GLYATL1: variants seen among roughly 807,000 people sequenced by gnomAD.
The protein encoded by GLYATL1 is glycine-N-acyltransferase like 1, also known as glycine N-acyltransferase-like protein 1.
A neutral mutation model predicts 20.0 loss-of-function variants in GLYATL1; 15 were observed. That is an observed-to-expected ratio of 0.75 (90% CI 0.50 to 1.15). The LOEUF (loss-of-function observed/expected upper bound fraction) is 1.15. Among genes scored for constraint, GLYATL1 ranks in the 50% most tolerant of loss-of-function variants. The pLI, the probability that GLYATL1 is intolerant of heterozygous loss-of-function variation, is 0.00. For synonymous variants in GLYATL1, 151 were observed against 131.5 expected (o/e 1.15, Z -1.01); for missense variants, 380 against 368.5 (o/e 1.03, Z -0.26).
At chr11:58,941,225 G>A (rs1392759335) in intron 1 of GLYATL1, among the ~76,000 whole-genome samples, 2 of 121,368 alleles carry the variant, frequency 1.6e-5, no homozygotes, top group Admixed American at 2.3e-4. Flanking sequence ...AGAGTGTGAT[G>A]TTCCCCTTCC....
At chr11:58,927,839 C>A (rs939555678) in intron 1 of GLYATL1, 1 of 152,208 alleles carries the variant, frequency 6.6e-6, no homozygotes, top group East Asian at 1.9e-4. Flanking sequence ...GGTAAGACCT[C>A]CTTTTCCTCT....
intron 2 of GLYATL1, among the ~76,000 whole-genome samples, chr11:58,944,282 G>C (rs1856408310): frequency 6.6e-6 from 1 of 152,162 alleles, no homozygotes; most frequent in South Asian, 2.1e-4. Flanking sequence ...GATGTCAACT[G>C]CTATTCTTTT....
chr11:58,909,522 G>C (rs186143377), downstream of GLYATL1, among the ~76,000 whole-genome samples: 4 of 152,264 alleles, frequency 2.6e-5, no homozygotes, highest in Admixed American at 2.6e-4. Flanking sequence ...ATGTACATTA[G>C]TTACGCATTC....
chr11:58,936,398 C>T (rs1855836620), upstream of GLYATL1, among the ~76,000 whole-genome samples: 2 of 152,188 alleles, frequency 1.3e-5, no homozygotes, highest in African/African-American at 2.4e-5. Context: ...ATCATGTGTC[C>T]ACTTCCCAGG....
chr11:58,920,331 A>C (rs1457650333), intron 1 of GLYATL1, among the ~76,000 whole-genome samples: 1 of 152,116 alleles, frequency 6.6e-6, no homozygotes, highest in Non-Finnish European at 1.5e-5. Flanking sequence ...AAGTGGCAAA[A>C]GCATATTTGG....
At chr11:58,911,937 G>T (rs936979332), downstream of GLYATL1, among the ~76,000 whole-genome samples, 2 of 152,050 alleles carry the variant, frequency 1.3e-5, no homozygotes, top group Non-Finnish European at 2.9e-5. Flanking sequence ...TCTTCCAGAA[G>T]TTTTATAGTT....
At chr11:58,955,505 G>A (rs1857336839) in intron 6 of GLYATL1, 105 bp from the exon 7 acceptor site, 2 of 1,404,716 alleles carry the variant, frequency 1.4e-6, no homozygotes, top group Non-Finnish European at 1.9e-6. Context: ...TTGCAATGGT[G>A]AGTCTTTAAA....
intron 1 of GLYATL1, among the ~76,000 whole-genome samples, chr11:58,921,106 A>AT (rs1231459061): frequency 6.6e-6 from 1 of 152,250 alleles, no homozygotes; most frequent in Non-Finnish European, 1.5e-5. Context: ...GAGGGGCTCC[A>AT]TTTCTCCCCA....
At chr11:58,926,282 G>GATT (rs1855425745), upstream of GLYATL1, among the ~76,000 whole-genome samples, 4 of 152,166 alleles carry the variant, frequency 2.6e-5, no homozygotes, top group Admixed American at 2.6e-4. Context: ...AAATTGATGC[G>GATT]ATTGGGTGGC....
chr11:58,954,760 T>C lies in GLYATL1; in HGVS notation c.187-10T>C, dbSNP rs1195015058. On this transcript the variant is annotated splice_polypyrimidine_tract_variant and intron_variant, in intron 4 of 6. Coordinates refer to ENST00000532726, the MANE Select transcript of GLYATL1 (RefSeq NM_001389712.2). ...AAGGGAATGACCTGATCTTATATCA[T>C]CCAATACAGGAGATGACTGATGACA... The C allele has an allele frequency of 4.4e-6, 7 of 1,592,262 alleles. No homozygotes were observed. Among genetic ancestry groups the C allele is most frequent in the East Asian group, 4.5e-5 (2 of 44,696 alleles).
upstream of GLYATL1, among the ~76,000 whole-genome samples, chr11:58,924,478 T>C (rs886679184): frequency 2.0e-5 from 3 of 152,214 alleles, no homozygotes; most frequent in African/African-American, 4.8e-5. Context: ...ATTTTGGCCT[T>C]CCAAAAAGGT....
At chr11:58,932,110 CAAAAAAA>C (rs5792141) in intron 1 of GLYATL1, among the ~76,000 whole-genome samples, 19 of 61,494 alleles carry the variant, frequency 3.1e-4, no homozygotes, top group Non-Finnish European at 4.6e-4. Flanking sequence ...GACCCCTTCT[CAAAAAAA>C]AAAAAAAAAA....
At chr11:58,946,717 GA>G (rs1856591702) in intron 2 of GLYATL1, 2 of 333,678 alleles carry the variant, frequency 6.0e-6, no homozygotes, top group African/African-American at 2.1e-5. Flanking sequence ...CAAAATACAG[GA>G]AAAAACTTAT....
chr11:58,950,959 A>G (rs911491040), intron 4 of GLYATL1, among the ~76,000 whole-genome samples: 1 of 152,170 alleles, frequency 6.6e-6, no homozygotes, highest in African/African-American at 2.4e-5. Flanking sequence ...TACTAAAAAA[A>G]GGTGTATGCT....
rs573744511 is a variant in GLYATL1 at position 58,905,569 on chromosome 11, G to GGCT, written n.149_151dup. The GGCT allele has an allele frequency of 1.2e-3, 535 of 456,276 alleles. 6 individuals carry two copies. Among genetic ancestry groups the GGCT allele is most frequent in the South Asian group, 3.4e-3 (218 of 64,570 alleles). 28.3% of individuals were successfully genotyped at this position (456,276 alleles called of 1,614,324 possible). A position where few individuals can be genotyped will look rare whatever the true frequency, so the allele number is the denominator to read the frequency against. ...CGCCAGGCATCTCCCATACCCACCC[G>GGCT]GCTGCCGCGCAACCCCTCCTTGGCT... On this transcript the variant is annotated non_coding_transcript_exon_variant, in exon 1 of 2. Coordinates refer to the GLYATL1 transcript ENST00000524629.
At chr11:58,940,390 T>C (rs1323109837) in intron 1 of GLYATL1, among the ~76,000 whole-genome samples, 2 of 152,254 alleles carry the variant, frequency 1.3e-5, no homozygotes, top group Non-Finnish European at 2.9e-5. Flanking sequence ...TTTCAATAGC[T>C]AGAGTTCCAA....
chr11:58,922,870 G>A (rs903647672), upstream of GLYATL1, among the ~76,000 whole-genome samples: 2 of 152,106 alleles, frequency 1.3e-5, no homozygotes, highest in East Asian at 3.8e-4. Flanking sequence ...TCCTCCAACC[G>A]TGGTCATCAC....
chr11:58,924,363 TA>T (rs1163352068), upstream of GLYATL1, among the ~76,000 whole-genome samples: 1 of 152,208 alleles, frequency 6.6e-6, no homozygotes, highest in Non-Finnish European at 1.5e-5. Context: ...TAATCAGACT[TA>T]ACCGGGGAAG....
chr11:58,926,746 C>A (rs187899600), upstream of GLYATL1, among the ~76,000 whole-genome samples: 36 of 152,242 alleles, frequency 2.4e-4, 2 homozygotes, highest in East Asian at 6.9e-3. Flanking sequence ...AAATAAATAA[C>A]GTGAAGTTTA....
Sources: gnomAD v4.1 joint callset for allele counts (sites outside exome capture counted in the v4.1 genomes callset) on GRCh38, gnomAD v4.1.1 for gene constraint, MANE v1.5 for transcripts, NCBI Gene and HGNC (gene_info 2026-07-23, HGNC 2026-07-21) for gene names.